Variants in PATJ observed in about 807,000 individuals in gnomAD.
PATJ encodes inaD-like protein.
In PATJ, 190 loss-of-function variants were observed where a neutral mutation model predicts 224.9. The observed-to-expected ratio is 0.84, with a 90% CI of 0.75 to 0.95. The LOEUF (loss-of-function observed/expected upper bound fraction) is 0.95. Among genes scored for constraint, PATJ ranks in the 40% least tolerant of loss-of-function variants. The pLI is 0.00. For synonymous variants in PATJ, 769 were observed against 820.3 expected, an observed-to-expected ratio of 0.94 and a Z score of 1.07; for missense variants, 2,121 against 2,270.3, an observed-to-expected ratio of 0.93 and a Z score of 1.34.
chr1:62,114,043 A>G lies in PATJ; in HGVS notation c.4462-10A>G. ...ATCAGCAGCCCAGCTCAGGATGCCC[A>G]TTGTTCCAGGTTAATGGGGTTGACC... On this transcript the variant is annotated splice_polypyrimidine_tract_variant and intron_variant, in intron 34 of 43. Transcript: ENST00000642238. The G allele has an allele frequency of 3.7e-6, 6 of 1,613,498 alleles. No homozygotes were observed. The highest frequency in any genetic ancestry group is 2.2e-5 in the East Asian group (1 of 44,862).
At chr1:61,744,214 A>T (rs1188399116) in intron 1 of PATJ, among the ~76,000 whole-genome samples, 4 of 120,898 alleles carry the variant, frequency 3.3e-5, no homozygotes, top group Non-Finnish European at 6.4e-5. Context: ...AGCCCAGGAG[A>T]TGGAGGCTGT....
At chr1:61,750,909 A>G (rs1396324228) in intron 1 of PATJ, among the ~76,000 whole-genome samples, 5 of 151,966 alleles carry the variant, frequency 3.3e-5, no homozygotes, top group African/African-American at 4.8e-5. Flanking sequence ...CCCCTTCCCC[A>G]TGGAATTAAC....
At chr1:61,810,775 T>A (rs2148646830) in intron 14 of PATJ, among the ~76,000 whole-genome samples, 1 of 151,856 alleles carries the variant, frequency 6.6e-6, no homozygotes, top group South Asian at 2.1e-4. Flanking sequence ...TACAAAAAAA[T>A]TAGCCGGGCG....
At chr1:61,995,159 T>C (rs1645280947) in intron 28 of PATJ, among the ~76,000 whole-genome samples, 1 of 152,180 alleles carries the variant, frequency 6.6e-6, no homozygotes, top group African/African-American at 2.4e-5. Flanking sequence ...TACTGCATTA[T>C]ATGGGAAGCA....
chr1:62,076,309 C>T (rs1374842796), intron 31 of PATJ, among the ~76,000 whole-genome samples: 1 of 151,926 alleles, frequency 6.6e-6, no homozygotes, highest in Non-Finnish European at 1.5e-5. Context: ...GATGGGGATC[C>T]TAGCATCTGT....
intron 28 of PATJ, among the ~76,000 whole-genome samples, chr1:61,995,738 C>T (rs1050450040): frequency 6.6e-6 from 1 of 152,222 alleles, no homozygotes. Context: ...TTTCAAAAGG[C>T]ATTAACATAT....
chr1:61,991,164 C>T (rs55820305), intron 28 of PATJ, among the ~76,000 whole-genome samples: 17,304 of 151,658 alleles, frequency 0.11, 1,258 homozygotes, highest in Non-Finnish European at 0.16. Context: ...GATATTTATA[C>T]TACAAAATAA....
At chr1:62,037,487 C>T (rs1056015947) in intron 29 of PATJ, among the ~76,000 whole-genome samples, 47 of 152,148 alleles carry the variant, frequency 3.1e-4, no homozygotes, top group African/African-American at 1.1e-3. Flanking sequence ...CCTCATACTC[C>T]ACCTTGCAGC....
chr1:61,892,197 A>G (rs1186539312), intron 22 of PATJ, among the ~76,000 whole-genome samples: 1 of 152,184 alleles, frequency 6.6e-6, no homozygotes, highest in East Asian at 1.9e-4. Flanking sequence ...CCTGTGGTAT[A>G]TCATAGAATA....
chr1:62,122,302 T>C (rs181550472), intron 38 of PATJ, among the ~76,000 whole-genome samples: 3 of 138,942 alleles, frequency 2.2e-5, no homozygotes, highest in African/African-American at 8.3e-5. Context: ...GAGGCAGAGA[T>C]GGCAGTGAGC....
At chr1:61,800,281 A>G (rs1652206444) in intron 11 of PATJ, among the ~76,000 whole-genome samples, 1 of 152,182 alleles carries the variant, frequency 6.6e-6, no homozygotes, top group South Asian at 2.1e-4. Context: ...TGACTTTTTA[A>G]TAATGGCCAT....
chr1:62,107,487 C>T (rs185705031), intron 33 of PATJ, among the ~76,000 whole-genome samples: 38 of 152,212 alleles, frequency 2.5e-4, no homozygotes, highest in Non-Finnish European at 2.6e-4. Context: ...ACTACTTGCT[C>T]AACAGGAGGG....
chr1:62,079,271 A>G (rs1227083839), intron 31 of PATJ, among the ~76,000 whole-genome samples, 179 bp from the exon 32 acceptor site: 1 of 152,182 alleles, frequency 6.6e-6, no homozygotes, highest in Non-Finnish European at 1.5e-5. Flanking sequence ...AAAGTTAAAT[A>G]GGGAAGAATG....
chr1:61,757,188 T>G (rs567716545), intron 1 of PATJ, among the ~76,000 whole-genome samples: 1 of 151,340 alleles, frequency 6.6e-6, no homozygotes, highest in Admixed American at 6.6e-5. Flanking sequence ...TCTCCCACCT[T>G]AGCCTCCTGA....
At chr1:61,839,875 GTCTGA>G (rs1256020623) in intron 17 of PATJ, among the ~76,000 whole-genome samples, 2 of 151,822 alleles carry the variant, frequency 1.3e-5, no homozygotes, top group Admixed American at 1.3e-4. Context: ...CTCTCTCAAA[GTCTGA>G]GAGAGATAAA....
rs139437854 is a variant in PATJ, at chr1:62,152,446, G to A, written c.5379-912G>A. Reference sequence around the variant, plus strand: ...TCAGGTGGATCACCTGAGGTCAGGAGTTCGAGACCAGCCTGGTCAACATGG... The same window carrying A: ...TCAGGTGGATCACCTGAGGTCAGGAATTCGAGACCAGCCTGGTCAACATGG... On this transcript the variant is annotated intron_variant, in intron 42 of 43. Transcript: ENST00000642238. Among the ~76,000 whole-genome samples, 13 of 152,126 alleles carry A rather than the reference G, an allele frequency of 8.5e-5. 1 individual carries two copies. The highest frequency in any genetic ancestry group is 2.9e-4 in the African/African-American group (12 of 41,504).
intron 7 of PATJ, among the ~76,000 whole-genome samples, chr1:61,777,699 C>CTTTTTTTTTTTTTTTTTTTTTTT (rs1557626569): frequency 8.7e-5 from 7 of 80,084 alleles, no homozygotes; most frequent in African/African-American, 2.8e-4. Flanking sequence ...TTCTTTCTTT[C>CTTTTTTTTTTTTTTTTTTTTTTT]TTTCTTTTTT....
chr1:61,911,287 C>T (rs1015056578), intron 25 of PATJ, among the ~76,000 whole-genome samples: 9 of 152,146 alleles, frequency 5.9e-5, no homozygotes, highest in Non-Finnish European at 1.3e-4. Flanking sequence ...GATCTCAGCT[C>T]ACTGCAACCT....
intron 31 of PATJ, among the ~76,000 whole-genome samples, chr1:62,052,545 C>A (rs1653823646): frequency 6.6e-6 from 1 of 151,766 alleles, no homozygotes; most frequent in Non-Finnish European, 1.5e-5. Flanking sequence ...AGTTCAAGAC[C>A]AGCCTGACCA....
Sources: allele counts gnomAD v4.1 joint callset (sites outside exome capture counted in the v4.1 genomes callset), GRCh38; gene constraint gnomAD v4.1.1; transcripts MANE v1.5; gene names NCBI Gene and HGNC (gene_info 2026-07-23, HGNC 2026-07-21).